The following TP53AIP1 variants were observed in gnomAD, a reference collection of about 807,000 sequenced individuals.
TP53AIP1 encodes the protein p53-regulated apoptosis-inducing protein 1.
A neutral mutation model predicts 9.5 loss-of-function variants in TP53AIP1; 14 were observed. The ratio of observed to expected loss-of-function variants is 1.47; its 90% CI spans 0.97 to 2.30. TP53AIP1 has a LOEUF of 2.30. TP53AIP1 is among the 30% of genes most tolerant of loss of function. TP53AIP1 has a pLI of 0.00. For missense variants in TP53AIP1, 153 were observed against 146.7 expected (o/e 1.04, Z -0.22); for synonymous variants, 73 against 61.2 (o/e 1.19, Z -0.90).
rs1378145464 is a variant in TP53AIP1, at chr11:128,937,030, G to A, written c.142-381C>T. 8 of 1,056,930 alleles carry A rather than the reference G, an allele frequency of 7.6e-6. No individual in the cohort carries two copies. The Admixed American group carries it at 2.4e-4, about 32-fold the overall frequency. 65.5% of individuals were successfully genotyped at this position (1,056,930 alleles called of 1,614,324 possible). ...GAGAAGTGTGGGCCTCCAGGGAGGT[G>A]TAGGCGCTCCTGGCTCCTGGCAGAC... is the stretch of plus-strand genomic sequence containing the variant. On this transcript the variant is annotated intron_variant, in intron 2 of 3. Transcript: ENST00000531399. The surrounding 1 kb of genome is among the most constrained non-coding windows in gnomAD (Gnocchi z 4.8).
At chr11:128,936,799 G>T (rs1295886007) in intron 2 of TP53AIP1, 150 bp from the exon 3 acceptor site, 1 of 1,430,628 alleles carries the variant, frequency 7.0e-7, no homozygotes. Flanking sequence ...AGGTTCCCAT[G>T]GAAACCAAAC....
chr11:128,935,964 A>G, intron 3 of TP53AIP1: 1 of 1,164,608 alleles, frequency 8.6e-7, no homozygotes, highest in South Asian at 2.7e-5. Flanking sequence ...TGATAACAGT[A>G]AGATATGTAG....
At position 128,937,677 on chromosome 11, in the gene TP53AIP1, C is replaced by T. The variant is rs144434585; in HGVS notation, c.141+1G>A. On this transcript the variant is annotated splice_donor_variant, in intron 2 of 3. Transcript: ENST00000531399. LOFTEE classifies it high-confidence loss of function. The surrounding 1 kb of genome is among the most constrained non-coding windows in gnomAD (Gnocchi z 4.8). Reference sequence around the variant, plus strand: ...TCTCGGTTTTCACTGCAGGGACTTACCCAGCCAGGTGTGTGTGTCTGAGCC... The same window carrying T: ...TCTCGGTTTTCACTGCAGGGACTTATCCAGCCAGGTGTGTGTGTCTGAGCC... The T allele has an allele frequency of 3.4e-5, 55 of 1,614,058 alleles. No individual in the cohort carries two copies. In the East Asian group the frequency reaches 4.0e-4, roughly 12 times the overall value.
rs1193671989 is a variant in TP53AIP1, at chr11:128,939,378, C to T, written c.-76-1484G>A. Among the ~76,000 whole-genome samples, 1 of 152,248 alleles carries T rather than the reference C, an allele frequency of 6.6e-6. No homozygotes were observed. Among genetic ancestry groups the T allele is most frequent in the Non-Finnish European group, 1.5e-5 (1 of 68,048 alleles). ...TCCCCGCAGAGGCAGGGGCAGCTGACTGCTGTCCCAGATGGACATAGAAGG... is the reference window on the plus strand; with the variant it reads ...TCCCCGCAGAGGCAGGGGCAGCTGATTGCTGTCCCAGATGGACATAGAAGG... On this transcript the variant is annotated intron_variant, in intron 1 of 3. Transcript: ENST00000531399. This position sits in a 1 kb window ranked among gnomAD's most constrained non-coding sequence, Gnocchi z 4.1.
intron 1 of TP53AIP1, 119 bp from the exon 2 acceptor site, chr11:128,938,013 C>T: frequency 6.2e-6 from 4 of 640,880 alleles, no homozygotes; most frequent in South Asian, 6.2e-5. Flanking sequence ...GAAGCCGATG[C>T]ACCCAGAGAC....
In TP53AIP1 at chr11:128,935,515, T is replaced by TTTG. The variant is rs774563458; in HGVS notation, c.*73_*75dup. 2.0e-4 allele frequency: 291 copies of TTTG among 1,486,112 alleles called. 1 individual carries two copies. Among genetic ancestry groups the TTTG allele is most frequent in the Admixed American group, 4.3e-4 (20 of 46,656 alleles). The allele number at this position is 1,486,112 out of a possible 1,614,324, so 92.1% of individuals were successfully genotyped here. ...AGCCATTTCTCGACGGTGCTTTCTG[T>TTTG]TTGTTTGTTTGTTTTTGTTTTGAGA... is the stretch of plus-strand genomic sequence containing the variant. On this transcript the variant is annotated 3_prime_UTR_variant, in exon 4 of 4. Transcript: ENST00000531399.
At chr11:128,935,790 C>A in intron 3 of TP53AIP1, 78 bp from the exon 4 acceptor site, 1 of 1,408,920 alleles carries the variant, frequency 7.1e-7, no homozygotes, top group Non-Finnish European at 9.2e-7. Context: ...ATGTTACAGA[C>A]CAGGGATAAA....
rs1199237866 is a variant in TP53AIP1 at position 128,937,521 on chromosome 11, A to C, written c.141+157T>G. On this transcript the variant is annotated intron_variant, in intron 2 of 3. Coordinates refer to ENST00000531399, the MANE Select transcript of TP53AIP1 (RefSeq NM_022112.3). The surrounding 1 kb of genome is among the most constrained non-coding windows in gnomAD (Gnocchi z 4.8). ...TTCCCAGCTCTGTCCAATGCTCTGA[A>C]CTGGGGACAGTCCGCATGCAGCTCT... The C allele has an allele frequency of 6.2e-7, 1 of 1,610,796 alleles. No homozygotes were observed. The highest frequency in any genetic ancestry group is 8.5e-7 in the Non-Finnish European group (1 of 1,178,298).
In TP53AIP1 at chr11:128,937,191, A is replaced by G; in HGVS notation, c.141+487T>C. On this transcript the variant is annotated intron_variant, in intron 2 of 3. Transcript: ENST00000531399. The surrounding 1 kb of genome is among the most constrained non-coding windows in gnomAD (Gnocchi z 4.8). ...GAGTGCGTCATCTTCATTATTGGCCACAGGAAACGACTTCTTGGAGTAAGT... is the reference window on the plus strand; with the variant it reads ...GAGTGCGTCATCTTCATTATTGGCCGCAGGAAACGACTTCTTGGAGTAAGT... 8.6e-7 allele frequency: 1 copy of G among 1,158,708 alleles called. No individual in the cohort carries two copies. Among genetic ancestry groups the G allele is most frequent in the South Asian group, 3.2e-5 (1 of 30,910 alleles). The allele number at this position is 1,158,708 out of a possible 1,614,324, so 71.8% of individuals were successfully genotyped here.
rs538404265 is a variant in TP53AIP1 at position 128,937,712 on chromosome 11, G to A, written c.107C>T (p.Pro36Leu). Residue 36 changes from proline to leucine, a missense_variant, in exon 2 of 4, where the codon CCG (proline) becomes CTG (leucine). Pro to Leu is a moderately conservative substitution (Grantham distance 98, BLOSUM62 -3). Transcript: ENST00000531399. This position sits in a 1 kb window ranked among gnomAD's most constrained non-coding sequence, Gnocchi z 4.8. ...RGDQNLSVMP[P>L]NGRAQTHTPG... Reference sequence around the variant, plus strand: ...TGTGTGTGTCTGAGCCCTGCCATTCGGAGGCATCACCGAGAGGTTCTGGTC... The same window carrying A: ...TGTGTGTGTCTGAGCCCTGCCATTCAGAGGCATCACCGAGAGGTTCTGGTC... 18 of 1,614,078 alleles carry A rather than the reference G, an allele frequency of 1.1e-5. No individual in the cohort carries two copies. Among genetic ancestry groups the A allele is most frequent in the Admixed American group, 3.3e-5 (2 of 60,020 alleles).
In TP53AIP1 at chr11:128,937,631, G is replaced by A. The variant is rs755731715; in HGVS notation, c.141+47C>T. 1.2e-6 allele frequency: 2 copies of A among 1,614,184 alleles called. No individual in the cohort carries two copies. Among genetic ancestry groups the A allele is most frequent in the Non-Finnish European group, 1.7e-6 (2 of 1,180,034 alleles). On this transcript the variant is annotated intron_variant, in intron 2 of 3. Coordinates refer to ENST00000531399, the MANE Select transcript of TP53AIP1 (RefSeq NM_022112.3). This position sits in a 1 kb window ranked among gnomAD's most constrained non-coding sequence, Gnocchi z 4.8. ...ACGGTGAGAGCAGAGTCTGCCCGGG[G>A]CTGTGGCAGGCAAAAGACCGTCTCG...
Position 128,935,512 on chromosome 11 carries a change from C to CTGTT in TP53AIP1, c.*75_*78dup, listed in dbSNP as rs142876707. 1,409 of 1,497,204 alleles carry CTGTT rather than the reference C, an allele frequency of 9.4e-4. 6 individuals carry two copies. The highest frequency in any genetic ancestry group is 5.8e-3 in the African/African-American group (410 of 70,996). The allele number at this position is 1,497,204 out of a possible 1,614,324, so 92.7% of individuals were successfully genotyped here. On this transcript the variant is annotated 3_prime_UTR_variant, in exon 4 of 4. Transcript: ENST00000531399. ...TGGAGCCATTTCTCGACGGTGCTTT[C>CTGTT]TGTTTGTTTGTTTGTTTTTGTTTTG...
chr11:128,935,120 CACTGCAGCTGGGGG>C (rs1944785439), downstream of TP53AIP1: 4 of 714,880 alleles, frequency 5.6e-6, no homozygotes, highest in Non-Finnish European at 1.0e-5. Flanking sequence ...AATGACTGTC[CACTGCAGCTGGGGG>C]ACACCCAGCG....
chr11:128,936,308 A>T, intron 3 of TP53AIP1: 2 of 1,297,942 alleles, frequency 1.5e-6, no homozygotes, highest in Non-Finnish European at 1.9e-6. Flanking sequence ...GGCTGTAGTG[A>T]CCACTCTTAA....
Position 128,939,721 on chromosome 11 carries a change from C to T in TP53AIP1, c.-76-1827G>A, listed in dbSNP as rs554000266. Among the ~76,000 whole-genome samples, 3 of 152,326 alleles carry T rather than the reference C, an allele frequency of 2.0e-5. No individual in the cohort carries two copies. The highest frequency in any genetic ancestry group is 2.1e-4 in the South Asian group (1 of 4,828). On this transcript the variant is annotated intron_variant, in intron 1 of 3. Transcript: ENST00000531399. This position sits in a 1 kb window ranked among gnomAD's most constrained non-coding sequence, Gnocchi z 4.1. ...AGGGACTGTGGCTCTTCTGGAAACA[C>T]GATGCCTCGGTGCCATGAAATGACA...
intron 3 of TP53AIP1, 27 bp downstream of exon 3, chr11:128,936,511 T>C (rs773330789): frequency 6.5e-7 from 1 of 1,539,508 alleles, no homozygotes; most frequent in African/African-American, 1.4e-5. Flanking sequence ...CCCACACCCA[T>C]GAATTCACTA....
chr11:128,936,108 C>A, intron 3 of TP53AIP1: 1 of 929,730 alleles, frequency 1.1e-6, no homozygotes, highest in Non-Finnish European at 1.3e-6. Flanking sequence ...GGCCAGTTGT[C>A]CTGCCCATGT....
rs562330779 is a variant in TP53AIP1, at chr11:128,935,516, T to TTGTC, written c.*74_*75insGACA. 6.7e-6 allele frequency: 10 copies of TTGTC among 1,491,540 alleles called. No homozygotes were observed. Among genetic ancestry groups the TTGTC allele is most frequent in the African/African-American group, 1.4e-5 (1 of 70,842 alleles). 92.4% of individuals were successfully genotyped at this position (1,491,540 alleles called of 1,614,324 possible). A position where few individuals can be genotyped will look rare whatever the true frequency, so the allele number is the denominator to read the frequency against. ...GCCATTTCTCGACGGTGCTTTCTGT[T>TTGTC]TGTTTGTTTGTTTTTGTTTTGAGAT... is the stretch of plus-strand genomic sequence containing the variant. On this transcript the variant is annotated 3_prime_UTR_variant, in exon 4 of 4. Coordinates refer to ENST00000531399, the MANE Select transcript of TP53AIP1 (RefSeq NM_022112.3).
Position 128,937,690 on chromosome 11 carries a change from G to A in TP53AIP1, c.129C>T (p.His43=). Residue 43 remains histidine (H), a synonymous_variant, in exon 2 of 4, where the codon CAC becomes CAT. Coordinates refer to ENST00000531399, the MANE Select transcript of TP53AIP1 (RefSeq NM_022112.3). The surrounding 1 kb of genome is among the most constrained non-coding windows in gnomAD (Gnocchi z 4.8). The part of the protein sequence containing the change: ...VMPPNGRAQT[H]TPGWVSDPLV... Reference sequence around the variant, plus strand: ...TGCAGGGACTTACCCAGCCAGGTGTGTGTGTCTGAGCCCTGCCATTCGGAG... The same window carrying A: ...TGCAGGGACTTACCCAGCCAGGTGTATGTGTCTGAGCCCTGCCATTCGGAG... The A allele has an allele frequency of 3.1e-6, 5 of 1,614,178 alleles. No individual in the cohort carries two copies. The highest frequency in any genetic ancestry group is 4.2e-6 in the Non-Finnish European group (5 of 1,180,034).
Sources: gnomAD v4.1 joint callset for allele counts (sites outside exome capture counted in the v4.1 genomes callset) on GRCh38, gnomAD v4.1.1 for gene constraint, Gnocchi (gnomAD v3.1) non-coding constraint, MANE v1.5 for transcripts, NCBI Gene and HGNC (gene_info 2026-07-23, HGNC 2026-07-21) for gene names.